Variants in GRSF1 observed in about 807,000 individuals in gnomAD.
The protein encoded by GRSF1 is G-rich RNA sequence binding factor 1.
Under a neutral mutation model 51.1 loss-of-function variants are expected in GRSF1, and 50 were observed. The observed-to-expected ratio is 0.98, with a 90% CI of 0.78 to 1.24. The LOEUF is 1.24. Ranked by LOEUF, GRSF1 falls within the 50% of genes most tolerant of loss-of-function variation. The pLI, the probability that GRSF1 is intolerant of heterozygous loss-of-function variation, is 0.00. For missense variants in GRSF1, 700 were observed against 639.7 expected (o/e 1.09, Z -1.02); for synonymous variants, 293 against 253.3 (o/e 1.16, Z -1.49).
Position 70,825,352 on chromosome 4 carries a change from T to G in GRSF1, c.1337A>C (p.His446Pro). ...AACAGCATCCTCATGGGTCTCAAAG[T>G]GCACATCAGCTTCTCCAGTGGCCTT... ...SGKATGEADVHFETHEDAVAA... is the reference protein window; with the variant it reads ...SGKATGEADVPFETHEDAVAA... Residue 446 changes from histidine (H) to proline (P), a missense_variant, in exon 8 of 10, where the codon CAC (histidine) becomes CCC (proline). Transcript: ENST00000254799. 6.2e-7 allele frequency: 1 copy of G among 1,612,226 alleles called. No homozygotes were observed. Among genetic ancestry groups the G allele is most frequent in the Non-Finnish European group, 8.5e-7 (1 of 1,178,648 alleles).
intron 2 of GRSF1, among the ~76,000 whole-genome samples, chr4:70,833,820 T>G (rs899259017): frequency 6.6e-6 from 1 of 151,910 alleles, no homozygotes; most frequent in African/African-American, 2.4e-5. Context: ...CACCCAGCCT[T>G]TTTCCCCTTT....
chr4:70,828,055 A>G lies in GRSF1; in HGVS notation c.951-19T>C. 6.3e-7 allele frequency: 1 copy of G among 1,586,322 alleles called. No individual in the cohort carries two copies. The highest frequency in any genetic ancestry group is 8.6e-7 in the Non-Finnish European group (1 of 1,157,116). On this transcript the variant is annotated intron_variant, in intron 5 of 9. Coordinates refer to ENST00000254799, the MANE Select transcript of GRSF1 (RefSeq NM_002092.4). ...GATGTATCTATGTCAAAGCAAAAGT[A>G]AACAGGCACAAATGGTGCAAAGTAA...
rs1303013098 is a variant in GRSF1, at chr4:70,839,663, G to C, written c.165C>G (p.Ala55=). Residue 55 remains alanine (A), a synonymous_variant, in exon 1 of 10, where the codon GCC becomes GCG. Transcript: ENST00000254799. ...GCGTCTGGGAGGCAGCGGCCGCGGCGGCCCCGAGCAGCAGCAGCAGGCGGC... is the reference window on the plus strand; with the variant it reads ...GCGTCTGGGAGGCAGCGGCCGCGGCCGCCCCGAGCAGCAGCAGCAGGCGGC... ...GRRRLLLLLG[A]AAAAASQTRG... The C allele has an allele frequency of 7.1e-7, 1 of 1,405,856 alleles. No individual in the cohort carries two copies. The highest frequency in any genetic ancestry group is 9.1e-7 in the Non-Finnish European group (1 of 1,093,420). The allele number at this position is 1,405,856 out of a possible 1,614,324, so 87.1% of individuals were successfully genotyped here. A position where few individuals can be genotyped will look rare whatever the true frequency, so the allele number is the denominator to read the frequency against.
At chr4:70,839,162 C>A in intron 1 of GRSF1, 1 of 1,345,984 alleles carries the variant, frequency 7.4e-7, no homozygotes, top group Non-Finnish European at 9.7e-7. Flanking sequence ...GCGTCAGCAG[C>A]CTCACGAAAC....
In GRSF1 at chr4:70,825,698, G is replaced by A. The variant is rs1190935858; in HGVS notation, c.1258-267C>T. The A allele has an allele frequency of 4.4e-5, 14 of 315,362 alleles. No individual in the cohort carries two copies. The East Asian group carries it at 7.0e-4, about 16-fold the overall frequency. The allele number at this position is 315,362 out of a possible 1,614,324, so 19.5% of individuals were successfully genotyped here. ...TGTAATCTCAACACTTTGGGAGGCC[G>A]AGGACAGTGGATCGCTTGAGGTCAG... On this transcript the variant is annotated intron_variant, in intron 7 of 9. Coordinates refer to ENST00000254799, the MANE Select transcript of GRSF1 (RefSeq NM_002092.4).
At chr4:70,825,789 G>A (rs936588475) in intron 7 of GRSF1, 7 of 295,976 alleles carry the variant, frequency 2.4e-5, no homozygotes, top group Non-Finnish European at 3.8e-5. Context: ...AAAATTAGCC[G>A]GGCATGGTGG....
upstream of GRSF1, among the ~76,000 whole-genome samples, chr4:70,842,337 C>A (rs4694347): frequency 0.97 from 147,042 of 152,248 alleles, 71,206 homozygotes; most frequent in Middle Eastern, 1. Flanking sequence ...CATCAGTAAT[C>A]CTGTAACTTC....
At chr4:70,823,527 T>C (rs1340917155) in intron 9 of GRSF1, among the ~76,000 whole-genome samples, 1 of 152,020 alleles carries the variant, frequency 6.6e-6, no homozygotes, top group African/African-American at 2.4e-5. Context: ...GAGCGAGAAT[T>C]TTCATTCCTT....
chr4:70,822,306 G>A (rs905133007), intron 9 of GRSF1, among the ~76,000 whole-genome samples: 1 of 152,116 alleles, frequency 6.6e-6, no homozygotes, highest in Non-Finnish European at 1.5e-5. Context: ...AAAATGGCTG[G>A]GCGTGGTGGC....
At chr4:70,831,910 G>GTTT (rs5859242) in intron 4 of GRSF1, among the ~76,000 whole-genome samples, 2 of 129,648 alleles carry the variant, frequency 1.5e-5, no homozygotes, top group Admixed American at 7.9e-5. Context: ...CTCCCCACCA[G>GTTT]TTTTTTTTTT....
chr4:70,835,673 G>A (rs911752817), intron 2 of GRSF1, among the ~76,000 whole-genome samples: 1 of 151,926 alleles, frequency 6.6e-6, no homozygotes, highest in East Asian at 2.0e-4. Flanking sequence ...GATCTCCTGA[G>A]CTTGTGATCC....
intron 9 of GRSF1, among the ~76,000 whole-genome samples, chr4:70,823,028 C>T (rs1347963264): frequency 7.9e-5 from 12 of 152,082 alleles, no homozygotes; most frequent in African/African-American, 2.4e-4. Context: ...ACCCAGGAGG[C>T]GGAGTTTGCA....
At chr4:70,825,215 T>C in intron 8 of GRSF1, 81 bp downstream of exon 8, 2 of 1,172,526 alleles carry the variant, frequency 1.7e-6, no homozygotes, top group Non-Finnish European at 1.2e-6. Context: ...GGAAAAATTC[T>C]ACAATCCCAA....
chr4:70,839,889 G>A lies in GRSF1; in HGVS notation c.-62C>T, dbSNP rs1324413909. 2 of 1,408,286 alleles carry A rather than the reference G, an allele frequency of 1.4e-6. No individual in the cohort carries two copies. The highest frequency in any genetic ancestry group is 1.8e-6 in the Non-Finnish European group (2 of 1,085,356). The allele number at this position is 1,408,286 out of a possible 1,614,324, so 87.2% of individuals were successfully genotyped here. On this transcript the variant is annotated 5_prime_UTR_variant, in exon 1 of 10. Coordinates refer to ENST00000254799, the MANE Select transcript of GRSF1 (RefSeq NM_002092.4). ...CTCCAGCAGCGATGGTGGAACGGAAGTGGAATCCAGGGCCGGTTGGGGGTG... is the reference window on the plus strand; with the variant it reads ...CTCCAGCAGCGATGGTGGAACGGAAATGGAATCCAGGGCCGGTTGGGGGTG...
In GRSF1 at chr4:70,818,273, T is replaced by G. The variant is rs571638775; in HGVS notation, c.*2614A>C. 6.6e-6 allele frequency: 1 copy of G among 152,352 alleles called. No individual in the cohort carries two copies. Among genetic ancestry groups the G allele is most frequent in the East Asian group, 1.9e-4 (1 of 5,188 alleles). The allele number at this position is 152,352 out of a possible 1,614,324, so 9.4% of individuals were successfully genotyped here. A position where few individuals can be genotyped will look rare whatever the true frequency, so the allele number is the denominator to read the frequency against. On this transcript the variant is annotated 3_prime_UTR_variant, in exon 10 of 10. Transcript: ENST00000254799. The stretch of plus-strand genomic sequence containing the variant: ...CTAATCTTGAACTCCTGACCTCAAG[T>G]GACCCACCATGGAGGGTTTTAAATT...
intron 9 of GRSF1, among the ~76,000 whole-genome samples, chr4:70,824,057 G>C (rs1160837131): frequency 5.4e-5 from 7 of 129,020 alleles, no homozygotes; most frequent in African/African-American, 2.0e-4. Context: ...TGCAACCGCT[G>C]CCTCCCGGGT....
chr4:70,839,253 G>A, intron 1 of GRSF1: 1 of 1,479,974 alleles, frequency 6.8e-7, no homozygotes, highest in South Asian at 1.2e-5. Flanking sequence ...AGAGACTCGA[G>A]GCGAGAACAA....
chr4:70,830,636 T>C (rs1056160914), intron 5 of GRSF1, among the ~76,000 whole-genome samples: 1 of 152,040 alleles, frequency 6.6e-6, no homozygotes, highest in East Asian at 1.9e-4. Flanking sequence ...CTGGCCAACA[T>C]GGTAAAACCT....
rs35303311 is a variant in GRSF1, at chr4:70,838,219, CAAAA to C, written c.357+1248_357+1251del. Among the ~76,000 whole-genome samples, 44 of 94,600 alleles carry C rather than the reference CAAAA, an allele frequency of 4.7e-4. 1 individual carries two copies. The highest frequency in any genetic ancestry group is 1.5e-3 in the African/African-American group (36 of 24,524). The allele number at this position is 94,600 out of a possible 152,430, so 62.1% of individuals were successfully genotyped here. ...GGGCGACAGAGCGAGACTCGGTCTC[CAAAA>C]AAAAAAAAAAAAAAAGGCTTAATGT... is the stretch of plus-strand genomic sequence containing the variant. On this transcript the variant is annotated intron_variant, in intron 1 of 9. Coordinates refer to ENST00000254799, the MANE Select transcript of GRSF1 (RefSeq NM_002092.4).
Sources: allele counts gnomAD v4.1 joint callset (sites outside exome capture counted in the v4.1 genomes callset), GRCh38; gene constraint gnomAD v4.1.1; transcripts MANE v1.5; gene names NCBI Gene and HGNC (gene_info 2026-07-23, HGNC 2026-07-21).